MAF: variants seen among roughly 807,000 people sequenced by gnomAD.
The protein encoded by MAF is MAF bZIP transcription factor.
MAF carries 10 observed loss-of-function variants against 22.0 expected under a neutral mutation model. The ratio of observed to expected loss-of-function variants is 0.45; its 90% CI spans 0.28 to 0.77. MAF has a LOEUF of 0.77. MAF is among the 30% of genes least tolerant of loss of function. The pLI, the probability that MAF is intolerant of heterozygous loss-of-function variation, is 0.12. For synonymous variants in MAF, 337 were observed against 255.8 expected, an observed-to-expected ratio of 1.32 and a Z score of -3.03; for missense variants, 544 against 548.4, an observed-to-expected ratio of 0.99 and a Z score of 0.08.
the MAF span, among the ~76,000 whole-genome samples, chr16:79,461,906 G>GT: frequency 6.6e-6 from 1 of 152,092 alleles, no homozygotes. Flanking sequence ...TTTTTGGATT[G>GT]TTTTTTAACC....
At chr16:79,579,224 G>C in the MAF span, among the ~76,000 whole-genome samples, 1 of 152,186 alleles carries the variant, frequency 6.6e-6, no homozygotes, top group Non-Finnish European at 1.5e-5. Context: ...TGTGAATTAT[G>C]AATGGAGTTT....
the MAF span, among the ~76,000 whole-genome samples, chr16:79,396,782 T>G: frequency 6.6e-6 from 1 of 152,220 alleles, no homozygotes. Context: ...AGTTCTGGGG[T>G]GCAACCCCAG....
chr16:79,392,942 G>A, the MAF span, among the ~76,000 whole-genome samples: 1 of 152,152 alleles, frequency 6.6e-6, no homozygotes, highest in Non-Finnish European at 1.5e-5. Context: ...CAGTAATGGT[G>A]GACTCATTCC....
chr16:79,215,320 A>C, the MAF span, among the ~76,000 whole-genome samples: 1 of 152,162 alleles, frequency 6.6e-6, no homozygotes, highest in Non-Finnish European at 1.5e-5. Flanking sequence ...GGCCTTAAGC[A>C]ATCCTCCCAT....
the MAF span, among the ~76,000 whole-genome samples, chr16:79,503,357 T>C: frequency 1.3e-5 from 2 of 152,316 alleles, 1 homozygote; most frequent in South Asian, 4.1e-4. Context: ...TAAGTTAAAA[T>C]TTTTATTTAC....
the MAF span, among the ~76,000 whole-genome samples, chr16:79,420,525 C>G: frequency 2.0e-5 from 3 of 152,080 alleles, no homozygotes; most frequent in Non-Finnish European, 2.9e-5. Context: ...AGTGATTTTT[C>G]AAATCACTGC....
At chr16:79,203,488 A>G in the MAF span, 1 of 143,764 alleles carries the variant, frequency 7.0e-6, no homozygotes, top group Non-Finnish European at 1.5e-5. Flanking sequence ...CCCAGCGGAG[A>G]CCTTGTGTTT....
At chr16:79,359,911 T>C in the MAF span, among the ~76,000 whole-genome samples, 2 of 152,116 alleles carry the variant, frequency 1.3e-5, no homozygotes, top group African/African-American at 4.8e-5. Flanking sequence ...GAGAAGGCCA[T>C]GGGATATTAG....
At chr16:79,265,497 C>T in the MAF span, among the ~76,000 whole-genome samples, 1 of 131,554 alleles carries the variant, frequency 7.6e-6, no homozygotes, top group East Asian at 2.1e-4. Context: ...GTTCCAAGAC[C>T]TCCAGTGGAC....
the MAF span, among the ~76,000 whole-genome samples, chr16:79,218,936 G>A: frequency 5.3e-5 from 8 of 152,266 alleles, no homozygotes; most frequent in African/African-American, 1.7e-4. Flanking sequence ...AGCCTCTGTG[G>A]TTCATACTGG....
the MAF span, among the ~76,000 whole-genome samples, chr16:79,414,891 T>C: frequency 6.6e-6 from 1 of 152,210 alleles, no homozygotes; most frequent in Non-Finnish European, 1.5e-5. Flanking sequence ...GTCTTAGCAT[T>C]CTAAACTGTT....
At chr16:79,237,657 C>G in the MAF span, among the ~76,000 whole-genome samples, 5 of 149,202 alleles carry the variant, frequency 3.4e-5, no homozygotes, top group East Asian at 1.9e-4. Flanking sequence ...AAACTATGAT[C>G]TATCCTATAG....
the MAF span, among the ~76,000 whole-genome samples, chr16:79,511,101 AT>A: frequency 2.3e-5 from 1 of 44,180 alleles, no homozygotes; most frequent in Non-Finnish European, 5.8e-5. Context: ...CCCGCGCACA[AT>A]GGCGGGGTGG....
the MAF span, among the ~76,000 whole-genome samples, chr16:79,353,489 C>T: frequency 6.6e-6 from 1 of 152,154 alleles, no homozygotes; most frequent in Non-Finnish European, 1.5e-5. Flanking sequence ...CCCTCACACA[C>T]TTGATGGCAT....
At chr16:79,504,761 T>A in the MAF span, among the ~76,000 whole-genome samples, 1 of 152,224 alleles carries the variant, frequency 6.6e-6, no homozygotes, top group Non-Finnish European at 1.5e-5. Context: ...GGCAATCTCA[T>A]ACATTGGACT....
At chr16:79,279,931 C>T in the MAF span, among the ~76,000 whole-genome samples, 1 of 152,084 alleles carries the variant, frequency 6.6e-6, no homozygotes, top group Non-Finnish European at 1.5e-5. Context: ...GTTATAAATA[C>T]GGGGCTTGCC....
chr16:79,506,674 G>T, the MAF span, among the ~76,000 whole-genome samples: 1 of 152,180 alleles, frequency 6.6e-6, no homozygotes, highest in African/African-American at 2.4e-5. Context: ...CTGTGTTGAG[G>T]CAACACTCAT....
the MAF span, among the ~76,000 whole-genome samples, chr16:79,320,976 C>G: frequency 6.6e-6 from 1 of 152,136 alleles, no homozygotes; most frequent in East Asian, 1.9e-4. Flanking sequence ...TGAACCCAGT[C>G]CAGTTCCAAG....
the MAF span, among the ~76,000 whole-genome samples, chr16:79,399,174 A>G: frequency 6.6e-6 from 1 of 152,202 alleles, no homozygotes; most frequent in African/African-American, 2.4e-5. Context: ...GAGTAATTAT[A>G]GGAAACTTTC....
Sources: gnomAD v4.1 joint callset for allele counts (sites outside exome capture counted in the v4.1 genomes callset) on GRCh38, gnomAD v4.1.1 for gene constraint, MANE v1.5 for transcripts, NCBI Gene and HGNC (gene_info 2026-07-23, HGNC 2026-07-21) for gene names.